Variants in DMXL2 observed in about 807,000 individuals in gnomAD.
DMXL2 encodes dmX-like protein 2.
Under a neutral mutation model 331.1 loss-of-function variants are expected in DMXL2, and 103 were observed. The observed-to-expected ratio is 0.31, with a 90% confidence interval of 0.27 to 0.37. DMXL2 has a LOEUF of 0.37. Ranked by LOEUF, DMXL2 falls within the 10% of genes least tolerant of loss-of-function variation. DMXL2 has a pLI of 1.00. For missense variants in DMXL2, 3,171 were observed against 3,642.9 expected (o/e 0.87, Z 3.33); for synonymous variants, 1,281 against 1,252.1 (o/e 1.02, Z -0.49).
At position 51,457,344 on chromosome 15, in the gene DMXL2, C is replaced by G. The variant is rs2039718410; in HGVS notation, c.8321G>C (p.Ser2774Thr). Reference sequence around the variant, plus strand: ...ATAACATACCACACTAGCTCCAGTGCTAGTCTGTCCAGTGCCCAGCCATGG... The same window carrying G: ...ATAACATACCACACTAGCTCCAGTGGTAGTCTGTCCAGTGCCCAGCCATGG... ...SLPWLGTGQT[S>T]TGASVLMKRN... The change falls in exon 37 of 44, where the codon AGC becomes ACC. Residue 2774 changes from serine to threonine, a missense_variant. Physicochemically the swap from Ser to Thr is moderately conservative, Grantham distance 58. Coordinates refer to ENST00000560891, the MANE Select transcript of DMXL2 (RefSeq NM_001378457.1). 3 of 1,613,950 alleles carry G rather than the reference C, an allele frequency of 1.9e-6. No individual in the cohort carries two copies. The Admixed American group carries it at 5.0e-5, about 27-fold the overall frequency.
At chr15:51,593,091 A>C (rs2052518272) in intron 1 of DMXL2, among the ~76,000 whole-genome samples, 1 of 152,248 alleles carries the variant, frequency 6.6e-6, no homozygotes, top group Non-Finnish European at 1.5e-5. Flanking sequence ...AAATGGGCTA[A>C]ATGCTCCAAT....
intron 6 of DMXL2, among the ~76,000 whole-genome samples, chr15:51,551,180 G>C (rs2049195441): frequency 6.6e-6 from 1 of 151,072 alleles, no homozygotes; most frequent in Non-Finnish European, 1.5e-5. Flanking sequence ...ATCTTAATCA[G>C]ATGTGGTATA....
intron 18 of DMXL2, among the ~76,000 whole-genome samples, chr15:51,495,705 AGTATGAAG>A (rs1352181840): frequency 6.6e-6 from 1 of 152,176 alleles, no homozygotes. Context: ...ACTTAGTCAA[AGTATGAAG>A]GTATGGCAAG....
chr15:51,521,453 GTAGTAGTA>G (rs1271743354), intron 13 of DMXL2, among the ~76,000 whole-genome samples: 3 of 149,964 alleles, frequency 2.0e-5, no homozygotes, highest in Non-Finnish European at 3.0e-5. Flanking sequence ...AGTAGTAGTA[GTAGTAGTA>G]GTGGTAGTGG....
At chr15:51,507,087 A>T (rs2046449175) in intron 16 of DMXL2, 47 bp downstream of exon 16, 2 of 1,397,446 alleles carry the variant, frequency 1.4e-6, no homozygotes, top group East Asian at 5.1e-5. Flanking sequence ...TATTCTATAA[A>T]ATAAATTTGT....
intron 1 of DMXL2, among the ~76,000 whole-genome samples, chr15:51,605,127 T>C (rs538196399): frequency 6.6e-6 from 1 of 152,010 alleles, no homozygotes; most frequent in South Asian, 2.1e-4. Context: ...AAAAGCTTCA[T>C]GAAATATACA....
chr15:51,469,865 C>T (rs2040934394), intron 29 of DMXL2, among the ~76,000 whole-genome samples: 2 of 152,112 alleles, frequency 1.3e-5, no homozygotes, highest in Non-Finnish European at 1.5e-5. Flanking sequence ...AAGGGATAGG[C>T]CAGAATGACT....
Position 51,500,172 on chromosome 15 carries a change from T to G in DMXL2, c.3052A>C (p.Thr1018Pro), listed in dbSNP as rs867565740. 13 of 1,614,058 alleles carry G rather than the reference T, an allele frequency of 8.1e-6. No individual in the cohort carries two copies. The highest frequency in any genetic ancestry group is 1.6e-4 in the Middle Eastern group (1 of 6,084). The change falls in exon 18 of 44, where the codon ACT becomes CCT. Residue 1018 changes from threonine (T) to proline (P), a missense_variant. Coordinates refer to ENST00000560891, the MANE Select transcript of DMXL2 (RefSeq NM_001378457.1). ...AAGCGTACTTTATTGTCAGAACAAG[T>G]TGTAACCACTAAATAAGGTGCAAGG... ...VCLAPYLVVT[T>P]CSDNKVRFWK...
intron 3 of DMXL2, among the ~76,000 whole-genome samples, chr15:51,566,220 ATG>A (rs202165084): frequency 3.5e-5 from 5 of 143,752 alleles, no homozygotes; most frequent in South Asian, 2.3e-4. Flanking sequence ...TCTAAAAAAA[ATG>A]TGTGTGTGGG....
intron 41 of DMXL2, 47 bp from the exon 42 acceptor site, chr15:51,451,744 T>G: frequency 2.0e-6 from 3 of 1,523,080 alleles, no homozygotes; most frequent in Non-Finnish European, 1.8e-6. Flanking sequence ...ATGATTGTTA[T>G]AAGTCGTCAT....
At position 51,517,318 on chromosome 15, in the gene DMXL2, T is replaced by G. The variant is rs1016312118; in HGVS notation, c.2437-151A>C. ...TTCAAAGAAATACTTCAACTTTCCATACTCATTCTCATGTTAAGTCTAAAG... is the reference window on the plus strand; with the variant it reads ...TTCAAAGAAATACTTCAACTTTCCAGACTCATTCTCATGTTAAGTCTAAAG... On this transcript the variant is annotated intron_variant, in intron 13 of 43. Transcript: ENST00000560891. 6.6e-6 allele frequency: 4 copies of G among 606,200 alleles called. No homozygotes were observed. The African/African-American group carries it at 7.4e-5, about 11-fold the overall frequency. The allele number at this position is 606,200 out of a possible 1,614,324, so 37.6% of individuals were successfully genotyped here.
At chr15:51,468,795 G>A (rs776153464) in intron 29 of DMXL2, among the ~76,000 whole-genome samples, 11 of 152,172 alleles carry the variant, frequency 7.2e-5, no homozygotes, top group Admixed American at 2.0e-4. Context: ...AGTTAATCCT[G>A]TACTCCCTCT....
At chr15:51,462,393 T>C (rs1323650531) in intron 33 of DMXL2, among the ~76,000 whole-genome samples, 1 of 152,196 alleles carries the variant, frequency 6.6e-6, no homozygotes, top group African/African-American at 2.4e-5. Context: ...TGGAGTGCAA[T>C]GGCACAATCT....
intron 3 of DMXL2, 123 bp downstream of exon 3, chr15:51,568,364 C>CA: frequency 1.6e-6 from 1 of 617,594 alleles, no homozygotes; most frequent in Non-Finnish European, 2.7e-6. Flanking sequence ...AGCACTAGAC[C>CA]AATTTTTCAC....
intron 1 of DMXL2, among the ~76,000 whole-genome samples, chr15:51,586,844 G>T (rs1489845315): frequency 6.6e-6 from 1 of 152,014 alleles, no homozygotes; most frequent in Non-Finnish European, 1.5e-5. Context: ...CAGCTTGCCT[G>T]CATTCTCAAT....
At chr15:51,593,402 C>T (rs1402313453) in intron 1 of DMXL2, among the ~76,000 whole-genome samples, 1 of 152,176 alleles carries the variant, frequency 6.6e-6, no homozygotes, top group African/African-American at 2.4e-5. Flanking sequence ...CAGGAACACC[C>T]AGATTCATAA....
intron 34 of DMXL2, 29 bp downstream of exon 34, chr15:51,459,569 G>A (rs1383402299): frequency 7.8e-7 from 1 of 1,289,110 alleles, no homozygotes; most frequent in African/African-American, 1.5e-5. Context: ...TTTAAAGAAT[G>A]AGCTAAATAC....
Position 51,596,313 on chromosome 15 carries a change from T to C in DMXL2, c.88-20132A>G, listed in dbSNP as rs537412841. Among the ~76,000 whole-genome samples the C allele has an allele frequency of 4.6e-5, 7 of 152,146 alleles. No individual in the cohort carries two copies. In the South Asian group the frequency reaches 1.2e-3, roughly 27 times the overall value. On this transcript the variant is annotated intron_variant, in intron 1 of 43. Transcript: ENST00000560891. ...GACATTTATGCAGCCAAAAGACACA[T>C]GAAAAAATGCTCATCATCACTGGTC... is the stretch of plus-strand genomic sequence containing the variant.
At chr15:51,552,800 T>C (rs1342669330) in intron 6 of DMXL2, among the ~76,000 whole-genome samples, 2 of 152,198 alleles carry the variant, frequency 1.3e-5, no homozygotes, top group African/African-American at 4.8e-5. Flanking sequence ...AAACACCGCC[T>C]TTGGCTAAAG....
Sources: allele counts gnomAD v4.1 joint callset (sites outside exome capture counted in the v4.1 genomes callset), GRCh38; gene constraint gnomAD v4.1.1; transcripts MANE v1.5; gene names NCBI Gene and HGNC (gene_info 2026-07-23, HGNC 2026-07-21).